Variants in CTNNAL1 observed in about 807,000 individuals in gnomAD.
CTNNAL1 encodes alpha-catulin.
In CTNNAL1, 69 loss-of-function variants were observed where a neutral mutation model predicts 93.6. The ratio of observed to expected loss-of-function variants is 0.74; its 90% CI spans 0.61 to 0.90. The LOEUF (loss-of-function observed/expected upper bound fraction) is 0.90. Among genes scored for constraint, CTNNAL1 ranks in the 40% least tolerant of loss-of-function variants. The pLI, the probability that CTNNAL1 is intolerant of heterozygous loss-of-function variation, is 0.00. For missense variants in CTNNAL1, 836 were observed against 862.0 expected (o/e 0.97, Z 0.38); for synonymous variants, 286 against 305.4 (o/e 0.94, Z 0.66).
chr9:108,947,157 A>T (rs1830430440), intron 15 of CTNNAL1, among the ~76,000 whole-genome samples: 1 of 142,298 alleles, frequency 7.0e-6, no homozygotes, highest in African/African-American at 2.6e-5. Flanking sequence ...TCTGTCACCC[A>T]GACTGGAGTG....
At chr9:108,982,511 G>A (rs1587971020) in intron 6 of CTNNAL1, among the ~76,000 whole-genome samples, 2 of 152,270 alleles carry the variant, frequency 1.3e-5, no homozygotes, top group South Asian at 4.1e-4. Flanking sequence ...GGATGGTACT[G>A]CTCAAAAAGA....
At chr9:108,998,622 A>C (rs1256187021) in intron 2 of CTNNAL1, among the ~76,000 whole-genome samples, 1 of 152,198 alleles carries the variant, frequency 6.6e-6, no homozygotes, top group Non-Finnish European at 1.5e-5. Context: ...AGTCCTCAAA[A>C]CACTCTAGGT....
intron 4 of CTNNAL1, among the ~76,000 whole-genome samples, chr9:108,989,025 C>T (rs1238973219): frequency 2.0e-5 from 3 of 152,146 alleles, no homozygotes; most frequent in Non-Finnish European, 4.4e-5. Flanking sequence ...TTTCAGGGGT[C>T]CCACATTTAA....
In CTNNAL1 at chr9:109,013,438, G is replaced by T; in HGVS notation, c.5C>A (p.Ala2Asp). Residue 2 changes from alanine (A) to aspartate (D), a missense_variant, in exon 1 of 19, where the codon GCC becomes GAC. Coordinates refer to ENST00000325551, the MANE Select transcript of CTNNAL1 (RefSeq NM_003798.4). The part of the protein sequence containing the change: M[A>D]ASPGPAGVGG... ...AACGCCGGCGGGTCCGGGAGAGGCG[G>T]CCATGGCCCTCGGTCTATCCCGCAG... 2.0e-6 allele frequency: 3 copies of T among 1,471,358 alleles called. No homozygotes were observed. Among genetic ancestry groups the T allele is most frequent in the Non-Finnish European group, 1.8e-6 (2 of 1,109,422 alleles). 91.1% of individuals were successfully genotyped at this position (1,471,358 alleles called of 1,614,324 possible).
At chr9:108,970,242 C>T (rs1263500619) in intron 10 of CTNNAL1, among the ~76,000 whole-genome samples, 160 bp downstream of exon 10, 1 of 152,164 alleles carries the variant, frequency 6.6e-6, no homozygotes, top group South Asian at 2.1e-4. Flanking sequence ...GAAGGTTAGC[C>T]ATGTTCTGGC....
At chr9:108,967,455 G>A (rs904945677) in intron 10 of CTNNAL1, among the ~76,000 whole-genome samples, 11 of 152,198 alleles carry the variant, frequency 7.2e-5, no homozygotes, top group African/African-American at 2.2e-4. Context: ...CTGTGCCCAC[G>A]TTCCAGGTGC....
At chr9:108,950,527 G>T in intron 14 of CTNNAL1, 1 of 1,550,250 alleles carries the variant, frequency 6.5e-7, no homozygotes, top group Non-Finnish European at 8.7e-7. Context: ...ATCTAGAAAA[G>T]GTAGAAGACG....
At chr9:108,980,122 C>G (rs759220831) in intron 6 of CTNNAL1, among the ~76,000 whole-genome samples, 5 of 152,212 alleles carry the variant, frequency 3.3e-5, no homozygotes, top group Non-Finnish European at 5.9e-5. Context: ...TATAGAGAAT[C>G]AAGCCCAAAC....
chr9:108,995,837 C>T (rs1295052146), intron 2 of CTNNAL1, among the ~76,000 whole-genome samples: 1 of 152,080 alleles, frequency 6.6e-6, no homozygotes, highest in Non-Finnish European at 1.5e-5. Flanking sequence ...TCTATAAACC[C>T]TAACAGTCTC....
chr9:109,006,687 G>T (rs1827037202), intron 1 of CTNNAL1, among the ~76,000 whole-genome samples: 1 of 152,170 alleles, frequency 6.6e-6, no homozygotes, highest in Non-Finnish European at 1.5e-5. Flanking sequence ...GGGGAAGAAA[G>T]AAGATCTGGT....
chr9:108,958,063 C>CAAAAAAAAAAAA (rs11291554), intron 11 of CTNNAL1, among the ~76,000 whole-genome samples: 73 of 85,082 alleles, frequency 8.6e-4, no homozygotes, highest in Non-Finnish European at 1.4e-3. Context: ...AAGACTGTCT[C>CAAAAAAAAAAAA]AAAAAAAAAA....
At chr9:108,966,681 A>G (rs1830962234) in intron 10 of CTNNAL1, among the ~76,000 whole-genome samples, 1 of 152,056 alleles carries the variant, frequency 6.6e-6, no homozygotes, top group Non-Finnish European at 1.5e-5. Flanking sequence ...TAAGCCTGAG[A>G]TTTTGGCATT....
chr9:108,989,104 A>G (rs1165999051), intron 4 of CTNNAL1, among the ~76,000 whole-genome samples: 1 of 152,226 alleles, frequency 6.6e-6, no homozygotes, highest in Admixed American at 6.5e-5. Flanking sequence ...ACAATATTAC[A>G]AGAATTGAGA....
intron 4 of CTNNAL1, among the ~76,000 whole-genome samples, chr9:108,989,788 G>A (rs1045672149): frequency 2.6e-5 from 4 of 152,188 alleles, no homozygotes; most frequent in East Asian, 1.9e-4. Flanking sequence ...GGTGATTCAC[G>A]CCTGTAATCC....
intron 4 of CTNNAL1, among the ~76,000 whole-genome samples, chr9:108,987,743 A>T (rs1201219597): frequency 6.6e-6 from 1 of 152,192 alleles, no homozygotes; most frequent in Non-Finnish European, 1.5e-5. Flanking sequence ...GAGGTCCTTC[A>T]CGTCCCTTGT....
At chr9:108,961,620 A>T (rs1488130662) in intron 11 of CTNNAL1, among the ~76,000 whole-genome samples, 6 of 152,194 alleles carry the variant, frequency 3.9e-5, no homozygotes, top group Admixed American at 3.9e-4. Flanking sequence ...TAAAGAAGAG[A>T]TTATTTACAT....
chr9:108,942,792 C>T lies in CTNNAL1; in HGVS notation c.2182G>A (p.Asp728Asn). The change falls in exon 19 of 19, where the codon GAC becomes AAC. Residue 728 changes from aspartate (D) to asparagine (N), a missense_variant. By Grantham distance (23) the Asp-to-Asn change is conservative. Coordinates refer to ENST00000325551, the MANE Select transcript of CTNNAL1 (RefSeq NM_003798.4). ...NNGWVSVTNK[D>N]TMDSKT ...TCTCAAGTTTTACTATCCATAGTGT[C>T]CTTATTTGTAACTGAGACCCATCCG... 2 of 1,612,660 alleles carry T rather than the reference C, an allele frequency of 1.2e-6. No homozygotes were observed. The highest frequency in any genetic ancestry group is 4.5e-5 in the East Asian group (2 of 44,796).
In CTNNAL1 at chr9:108,992,503, C is replaced by T. The variant is rs1046810752; in HGVS notation, c.519+129G>A. ...GTGTGTCAATGTATCCTGCATTGCA[C>T]ATTAATTCCCACAGCTAGCTGCATT... On this transcript the variant is annotated intron_variant, in intron 3 of 18. Transcript: ENST00000325551. 4.2e-6 allele frequency: 5 copies of T among 1,198,224 alleles called. No homozygotes were observed. The South Asian group carries it at 5.0e-5, about 12-fold the overall frequency. The allele number at this position is 1,198,224 out of a possible 1,614,324, so 74.2% of individuals were successfully genotyped here. A position where few individuals can be genotyped will look rare whatever the true frequency, so the allele number is the denominator to read the frequency against.
chr9:108,943,956 T>C lies in CTNNAL1; in HGVS notation c.1941+6A>G, dbSNP rs1330206795. The C allele has an allele frequency of 1.5e-5, 25 of 1,613,076 alleles. No individual in the cohort carries two copies. The highest frequency in any genetic ancestry group is 2.0e-5 in the Non-Finnish European group (24 of 1,179,572). On this transcript the variant is annotated splice_donor_region_variant and intron_variant, in intron 16 of 18. Transcript: ENST00000325551. Reference sequence around the variant, plus strand: ...CACCAGCTCCAGGTAGGTAGACATGTGTTACCTGTTTTGAAAAAGCTTGAA... The same window carrying C: ...CACCAGCTCCAGGTAGGTAGACATGCGTTACCTGTTTTGAAAAAGCTTGAA...
Sources: gnomAD v4.1 joint callset for allele counts (sites outside exome capture counted in the v4.1 genomes callset) on GRCh38, gnomAD v4.1.1 for gene constraint, MANE v1.5 for transcripts, NCBI Gene and HGNC (gene_info 2026-07-23, HGNC 2026-07-21) for gene names.